The following KCNMB2 variants were observed in gnomAD, a reference collection of about 807,000 sequenced individuals.
The protein encoded by KCNMB2 is potassium calcium-activated channel subfamily M regulatory beta subunit 2.
Under a neutral mutation model 24.5 loss-of-function variants are expected in KCNMB2, and 9 were observed. The ratio of observed to expected loss-of-function variants is 0.37; its 90% CI spans 0.22 to 0.64. KCNMB2 has a LOEUF of 0.64. KCNMB2 is among the 30% of genes least tolerant of loss of function. The pLI is 0.63. For synonymous variants in KCNMB2, 109 were observed against 104.4 expected (o/e 1.04, Z -0.27); for missense variants, 226 against 284.3 (o/e 0.79, Z 1.47).
intron 1 of KCNMB2, among the ~76,000 whole-genome samples, chr3:178,742,870 T>C (rs1723541184): frequency 6.6e-6 from 1 of 152,124 alleles, no homozygotes. Context: ...CCAATAAATA[T>C]GCAATCCAGT....
intron 1 of KCNMB2, among the ~76,000 whole-genome samples, chr3:178,565,611 C>T (rs928151636): frequency 6.6e-6 from 1 of 152,138 alleles, no homozygotes; most frequent in Non-Finnish European, 1.5e-5. Context: ...CTAAGAGTGT[C>T]GTTCTTTAGA....
chr3:178,622,682 C>T (rs1718965653), intron 1 of KCNMB2, among the ~76,000 whole-genome samples: 1 of 152,210 alleles, frequency 6.6e-6, no homozygotes, highest in Non-Finnish European at 1.5e-5. Flanking sequence ...GAAAACCTCT[C>T]TACCTGCTGC....
At chr3:178,663,836 C>T (rs1244078844) in intron 1 of KCNMB2, among the ~76,000 whole-genome samples, 1 of 151,990 alleles carries the variant, frequency 6.6e-6, no homozygotes, top group East Asian at 1.9e-4. Flanking sequence ...TAGCATGGTG[C>T]AAAGGAGTGT....
chr3:178,552,628 T>C (rs888526047), intron 1 of KCNMB2, among the ~76,000 whole-genome samples: 1 of 152,242 alleles, frequency 6.6e-6, no homozygotes, highest in African/African-American at 2.4e-5. Flanking sequence ...AGGTAGAATT[T>C]AGACCATAGT....
At chr3:178,708,434 T>C (rs1722348673) in intron 1 of KCNMB2, among the ~76,000 whole-genome samples, 1 of 152,150 alleles carries the variant, frequency 6.6e-6, no homozygotes, top group African/African-American at 2.4e-5. Context: ...TGGGGTAAAA[T>C]GCTATTGTTT....
intron 1 of KCNMB2, among the ~76,000 whole-genome samples, chr3:178,540,271 G>C (rs1236749299): frequency 6.6e-6 from 1 of 152,082 alleles, no homozygotes; most frequent in Non-Finnish European, 1.5e-5. Flanking sequence ...ATTATTTCTT[G>C]TCATTTCCAC....
At chr3:178,808,009 G>A (rs1160290467) in intron 2 of KCNMB2, among the ~76,000 whole-genome samples, 1 of 151,948 alleles carries the variant, frequency 6.6e-6, no homozygotes, top group Non-Finnish European at 1.5e-5. Flanking sequence ...CTGGGCACTG[G>A]ACATATGGCA....
chr3:178,682,093 C>A (rs943131126), intron 1 of KCNMB2, among the ~76,000 whole-genome samples: 17 of 152,266 alleles, frequency 1.1e-4, no homozygotes, highest in African/African-American at 4.1e-4. Flanking sequence ...TCCCCAGTAC[C>A]CCTGCCATTC....
At chr3:178,688,147 G>A (rs1721529497) in intron 1 of KCNMB2, among the ~76,000 whole-genome samples, 1 of 152,078 alleles carries the variant, frequency 6.6e-6, no homozygotes, top group South Asian at 2.1e-4. Context: ...TTCAGAACTT[G>A]CTGATTTGAA....
chr3:178,621,295 G>T (rs1169787494), intron 1 of KCNMB2, among the ~76,000 whole-genome samples: 1 of 151,840 alleles, frequency 6.6e-6, no homozygotes, highest in Admixed American at 6.6e-5. Context: ...CTCCATTTTA[G>T]CTATTCTGGC....
chr3:178,571,368 A>G (rs1716773855), intron 1 of KCNMB2, among the ~76,000 whole-genome samples: 1 of 149,982 alleles, frequency 6.7e-6, no homozygotes, highest in East Asian at 1.9e-4. Flanking sequence ...TGTTACATAA[A>G]TATATGGTGA....
At chr3:178,606,795 A>C (rs1718289903) in intron 1 of KCNMB2, among the ~76,000 whole-genome samples, 1 of 152,148 alleles carries the variant, frequency 6.6e-6, no homozygotes, top group South Asian at 2.1e-4. Context: ...TTGGTAGGAG[A>C]GTAAGTCACA....
rs377674422 is a variant in KCNMB2, at chr3:178,579,951, T to C, written c.-68+43240T>C. 3.2e-4 allele frequency among the ~76,000 whole-genome samples: 49 copies of C among 152,036 alleles called. No individual in the cohort carries two copies. The South Asian group carries it at 1.0e-2, about 31-fold the overall frequency. ...AATTCTATCAGAGGTAAAAGAGAAT[T>C]TGGTACCATTCGTTCTGAAACTATT... On this transcript the variant is annotated intron_variant, in intron 1 of 4. Transcript: ENST00000452583.
chr3:178,708,646 C>T (rs1722355485), intron 1 of KCNMB2, among the ~76,000 whole-genome samples: 1 of 152,102 alleles, frequency 6.6e-6, no homozygotes, highest in South Asian at 2.1e-4. Context: ...TTATTGAGTG[C>T]TCCCTCTATA....
At chr3:178,677,223 G>A (rs1391794214) in intron 1 of KCNMB2, among the ~76,000 whole-genome samples, 1 of 152,188 alleles carries the variant, frequency 6.6e-6, no homozygotes, top group Non-Finnish European at 1.5e-5. Context: ...GCTGACCTCA[G>A]TTGACAGAGG....
At chr3:178,759,436 T>TAC in intron 1 of KCNMB2, among the ~76,000 whole-genome samples, 1 of 6,480 alleles carries the variant, frequency 1.5e-4, no homozygotes, top group African/African-American at 4.0e-4. Context: ...TCCAAGAGGA[T>TAC]ATATATATAT....
intron 1 of KCNMB2, among the ~76,000 whole-genome samples, chr3:178,783,385 T>G (rs2108433874): frequency 1.3e-5 from 2 of 150,448 alleles, no homozygotes; most frequent in East Asian, 3.9e-4. Context: ...CCTTGGGCAG[T>G]ATGGCCATTT....
chr3:178,778,830 G>T (rs916391315), intron 1 of KCNMB2, among the ~76,000 whole-genome samples: 1 of 152,128 alleles, frequency 6.6e-6, no homozygotes, highest in African/African-American at 2.4e-5. Flanking sequence ...TGATAATTTA[G>T]TCATTTAATC....
At chr3:178,782,543 G>A (rs1484453793) in intron 1 of KCNMB2, among the ~76,000 whole-genome samples, 3 of 148,320 alleles carry the variant, frequency 2.0e-5, no homozygotes, top group East Asian at 2.0e-4. Flanking sequence ...GATGGCCAGT[G>A]ATGATGAGCA....
Sources: allele counts gnomAD v4.1 joint callset (sites outside exome capture counted in the v4.1 genomes callset), GRCh38; gene constraint gnomAD v4.1.1; transcripts MANE v1.5; gene names NCBI Gene and HGNC (gene_info 2026-07-23, HGNC 2026-07-21).